Variants in ARID5B observed in about 807,000 individuals in gnomAD.
ARID5B encodes AT-rich interaction domain 5B, also known as AT-rich interactive domain-containing protein 5B.
A neutral mutation model predicts 97.2 loss-of-function variants in ARID5B; 13 were observed. The ratio of observed to expected loss-of-function variants is 0.13; its 90% CI spans 0.09 to 0.21. ARID5B has a LOEUF of 0.21. ARID5B is among the 10% of genes least tolerant of loss of function. The probability of loss-of-function intolerance (pLI) is 1.00; values close to 1 mark genes in which losing one functional copy is unlikely to be tolerated. For synonymous variants in ARID5B, 556 were observed against 570.3 expected, an observed-to-expected ratio of 0.97 and a Z score of 0.36; for missense variants, 1,210 against 1,465.3, an observed-to-expected ratio of 0.83 and a Z score of 2.84.
chr10:62,083,678 A>G (rs1227084673), intron 8 of ARID5B, among the ~76,000 whole-genome samples: 1 of 152,234 alleles, frequency 6.6e-6, no homozygotes, highest in Non-Finnish European at 1.5e-5. Context: ...GCAACAAAAC[A>G]AAAGTAAAAC....
In ARID5B at chr10:62,096,827, T is replaced by C; in HGVS notation, c.*3797T>C. ...TTGTATGTTTTCCAAATTGTACTTA[T>C]TACTGCTTTTGATACTGTATTACGT... is the stretch of plus-strand genomic sequence containing the variant. On this transcript the variant is annotated 3_prime_UTR_variant, in exon 10 of 10. Transcript: ENST00000279873. The C allele has an allele frequency of 4.3e-6, 1 of 233,624 alleles. No homozygotes were observed. The highest frequency in any genetic ancestry group is 6.0e-5 in the East Asian group (1 of 16,546). The allele number at this position is 233,624 out of a possible 1,614,324, so 14.5% of individuals were successfully genotyped here. A position where few individuals can be genotyped will look rare whatever the true frequency, so the allele number is the denominator to read the frequency against.
At chr10:61,923,641 TC>T (rs1306015799) in intron 2 of ARID5B, among the ~76,000 whole-genome samples, 1 of 152,198 alleles carries the variant, frequency 6.6e-6, no homozygotes, top group Non-Finnish European at 1.5e-5. Context: ...AGAGGCTTGT[TC>T]CCCAGCTGTT....
intron 3 of ARID5B, among the ~76,000 whole-genome samples, chr10:61,941,227 G>T (rs1414678703): frequency 6.6e-6 from 1 of 150,624 alleles, no homozygotes; most frequent in Non-Finnish European, 1.5e-5. Context: ...TAAAGGAGGG[G>T]CTTCATAATT....
At chr10:62,023,729 A>G (rs976640696) in intron 4 of ARID5B, among the ~76,000 whole-genome samples, 4 of 152,258 alleles carry the variant, frequency 2.6e-5, no homozygotes, top group Admixed American at 6.5e-5. Context: ...CCTTACTTAT[A>G]AAATGAGTAA....
chr10:61,925,113 G>A (rs1388847986), intron 2 of ARID5B, among the ~76,000 whole-genome samples: 8 of 152,040 alleles, frequency 5.3e-5, no homozygotes, highest in East Asian at 1.9e-4. Context: ...GCTGAGGCAG[G>A]ATAATCACTT....
intron 9 of ARID5B, among the ~76,000 whole-genome samples, chr10:62,086,709 A>AAAAAAAAAAAAAAAAAAC (rs778821864): frequency 8.8e-6 from 1 of 113,978 alleles, no homozygotes; most frequent in African/African-American, 3.2e-5. Flanking sequence ...AAAAAAAAAA[A>AAAAAAAAAAAAAAAAAAC]AAATATCAGG....
rs565069812 is a variant in ARID5B, at chr10:61,950,242, G to A, written c.502+9834G>A. Among the ~76,000 whole-genome samples the A allele has an allele frequency of 2.6e-5, 4 of 152,224 alleles. No individual in the cohort carries two copies. The South Asian group carries it at 6.2e-4, about 24-fold the overall frequency. On this transcript the variant is annotated intron_variant, in intron 3 of 9. Transcript: ENST00000279873. Reference sequence around the variant, plus strand: ...AGGGTGATCTTGAACTCCTGACCTCGTGATCTGCCCGCCTCAGCTTCCCAA... The same window carrying A: ...AGGGTGATCTTGAACTCCTGACCTCATGATCTGCCCGCCTCAGCTTCCCAA...
At chr10:62,057,057 G>C in intron 5 of ARID5B, 60 bp from the exon 6 acceptor site, 3 of 1,548,470 alleles carry the variant, frequency 1.9e-6, no homozygotes, top group Non-Finnish European at 2.7e-6. Context: ...CACTAGCTAT[G>C]TCTTGGTAAG....
At chr10:61,985,295 A>T (rs144592951) in intron 3 of ARID5B, among the ~76,000 whole-genome samples, 2,811 of 151,758 alleles carry the variant, frequency 0.019, 24 homozygotes, top group Non-Finnish European at 0.023. Context: ...CCAACTTAAT[A>T]CATCTGTTCA....
At chr10:61,922,418 C>G (rs977313217) in intron 2 of ARID5B, among the ~76,000 whole-genome samples, 2 of 152,226 alleles carry the variant, frequency 1.3e-5, no homozygotes, top group Admixed American at 6.5e-5. Flanking sequence ...GCCTGGCCAA[C>G]ATGATGAAAC....
At chr10:61,923,038 G>A (rs576395380) in intron 2 of ARID5B, among the ~76,000 whole-genome samples, 10 of 152,218 alleles carry the variant, frequency 6.6e-5, no homozygotes, top group Admixed American at 2.0e-4. Context: ...TGATTTATGG[G>A]GTGGCTTCCA....
intron 9 of ARID5B, among the ~76,000 whole-genome samples, chr10:62,089,545 T>G (rs1380572879): frequency 1.4e-5 from 2 of 144,652 alleles, no homozygotes; most frequent in South Asian, 2.3e-4. Context: ...TTTTTTTTTT[T>G]TGTGAAAGTT....
rs1465061529 is a variant in ARID5B, at chr10:61,961,304, AAT to A, written c.502+20899_502+20900del. The stretch of plus-strand genomic sequence containing the variant: ...TAAATATATAATCCTTAAAATAAAA[AAT>A]ATGTTTATCCATGTACCACCTAACA... On this transcript the variant is annotated intron_variant, in intron 3 of 9. Coordinates refer to ENST00000279873, the MANE Select transcript of ARID5B (RefSeq NM_032199.3). Among the ~76,000 whole-genome samples the A allele has an allele frequency of 2.0e-4, 30 of 152,358 alleles. No individual in the cohort carries two copies. In the South Asian group the frequency reaches 5.0e-3, roughly 25 times the overall value.
chr10:62,050,040 G>C (rs572384124), intron 4 of ARID5B, among the ~76,000 whole-genome samples: 1 of 152,274 alleles, frequency 6.6e-6, no homozygotes, highest in South Asian at 2.1e-4. Context: ...GATAGTCATA[G>C]CTCTCAATAA....
intron 4 of ARID5B, among the ~76,000 whole-genome samples, chr10:62,025,805 G>A (rs1381582286): frequency 7.2e-6 from 1 of 139,494 alleles, no homozygotes; most frequent in African/African-American, 2.7e-5. Flanking sequence ...GAGGTGGAGT[G>A]GAAGCGAAAA....
In ARID5B at chr10:62,074,508, T is replaced by C. The variant is rs1161912835; in HGVS notation, c.1199+4711T>C. Among the ~76,000 whole-genome samples, 6 of 152,178 alleles carry C rather than the reference T, an allele frequency of 3.9e-5. No individual in the cohort carries two copies. In the East Asian group the frequency reaches 1.2e-3, roughly 29 times the overall value. On this transcript the variant is annotated intron_variant, in intron 8 of 9. Coordinates refer to ENST00000279873, the MANE Select transcript of ARID5B (RefSeq NM_032199.3). ...TTCTCTGAAGGTATAAGGTAGAGTG[T>C]GGGAGGCTTCATGTTTTGAATAAGA... is the stretch of plus-strand genomic sequence containing the variant.
chr10:61,930,439 G>A (rs960571204), intron 2 of ARID5B, among the ~76,000 whole-genome samples: 7 of 152,134 alleles, frequency 4.6e-5, no homozygotes, highest in African/African-American at 1.2e-4. Flanking sequence ...ACAGGTTCTC[G>A]GCCAGGTGCG....
At chr10:61,991,043 C>T (rs191152376) in intron 3 of ARID5B, among the ~76,000 whole-genome samples, 31 of 128,286 alleles carry the variant, frequency 2.4e-4, no homozygotes, top group Non-Finnish European at 3.5e-4. Context: ...TTATCCTGTA[C>T]ACACACACAC....
intron 8 of ARID5B, among the ~76,000 whole-genome samples, chr10:62,082,090 G>A (rs1210481199): frequency 6.6e-6 from 1 of 151,836 alleles, no homozygotes; most frequent in Non-Finnish European, 1.5e-5. Flanking sequence ...ATAGCAAAAG[G>A]CCCCCCTACT....
Sources: gnomAD v4.1 joint callset for allele counts (sites outside exome capture counted in the v4.1 genomes callset) on GRCh38, gnomAD v4.1.1 for gene constraint, MANE v1.5 for transcripts, NCBI Gene and HGNC (gene_info 2026-07-23, HGNC 2026-07-21) for gene names.